The following BIRC6 variants were observed in gnomAD, a reference collection of about 807,000 sequenced individuals.
BIRC6 encodes the protein baculoviral IAP repeat containing 6, also known as dual E2 ubiquitin-conjugating enzyme/E3 ubiquitin-protein ligase BIRC6.
A neutral mutation model predicts 503.3 loss-of-function variants in BIRC6; 98 were observed. That is an observed-to-expected ratio of 0.19 (90% CI 0.17 to 0.23). BIRC6 has a LOEUF of 0.23. Among genes scored for constraint, BIRC6 ranks in the 10% least tolerant of loss-of-function variants. BIRC6 has a pLI of 1.00. For missense variants in BIRC6, 5,360 were observed against 5,806.0 expected, an observed-to-expected ratio of 0.92 and a Z score of 2.50; for synonymous variants, 2,240 against 2,078.7, an observed-to-expected ratio of 1.08 and a Z score of -2.11.
At chr2:32,614,887 A>C (rs1362588416) in intron 73 of BIRC6, among the ~76,000 whole-genome samples, 1 of 152,164 alleles carries the variant, frequency 6.6e-6, no homozygotes, top group Non-Finnish European at 1.5e-5. Flanking sequence ...ATAAAATCAT[A>C]GTATCCCTGT....
At position 32,618,335 on chromosome 2, in the gene BIRC6, T is replaced by C. The variant is rs964805927; in HGVS notation, c.*431T>C. 1 of 153,000 alleles carries C rather than the reference T, an allele frequency of 6.5e-6. No individual in the cohort carries two copies. The highest frequency in any genetic ancestry group is 2.4e-5 in the African/African-American group (1 of 41,462). 9.5% of individuals were successfully genotyped at this position (153,000 alleles called of 1,614,324 possible). On this transcript the variant is annotated 3_prime_UTR_variant, in exon 74 of 74. Transcript: ENST00000421745. ...ACTTTTCACTGAATTTGATAGATTT[T>C]ATGTTTGGCCATATCTTCATGCTCA... is the stretch of plus-strand genomic sequence containing the variant.
intron 1 of BIRC6, among the ~76,000 whole-genome samples, chr2:32,373,677 A>C (rs1280593270): frequency 6.6e-6 from 1 of 152,194 alleles, no homozygotes; most frequent in East Asian, 1.9e-4. Context: ...GAGATGGTGG[A>C]GTTTCCTCAG....
intron 9 of BIRC6, 116 bp downstream of exon 9, chr2:32,406,673 G>C (rs1018349834): frequency 1.5e-6 from 1 of 660,326 alleles, no homozygotes; most frequent in Non-Finnish European, 2.6e-6. Flanking sequence ...ATTTTTGCTA[G>C]TATACACAGA....
At chr2:32,472,858 A>G (rs927782723) in intron 32 of BIRC6, 6 of 287,302 alleles carry the variant, frequency 2.1e-5, no homozygotes, top group African/African-American at 8.9e-5. Context: ...GAAAATAGCT[A>G]TTATCTAAAT....
intron 65 of BIRC6, among the ~76,000 whole-genome samples, chr2:32,556,076 A>G (rs1341462031): frequency 6.6e-6 from 1 of 152,176 alleles, no homozygotes; most frequent in Non-Finnish European, 1.5e-5. Context: ...TTATTTCTAT[A>G]TATGGTCACT....
intron 30 of BIRC6, among the ~76,000 whole-genome samples, chr2:32,469,861 A>G (rs2048936199): frequency 1.3e-5 from 2 of 152,138 alleles, no homozygotes; most frequent in South Asian, 2.1e-4. Context: ...GTTTATAAGT[A>G]TTTCTATTAG....
Position 32,430,947 on chromosome 2 carries a change from T to A in BIRC6, c.3105T>A (p.Thr1035=). Residue 1035 remains threonine (T), a synonymous_variant, in exon 12 of 74, where the codon ACT becomes ACA. Coordinates refer to ENST00000421745, the MANE Select transcript of BIRC6 (RefSeq NM_016252.4). ...LVELTRFETL[T]PRFSATVPPC... is the part of the protein sequence containing the mutation. ...AGCTAACCCGCTTTGAGACTTTGAC[T>A]CCAAGGTTTTCAGCGACTGTTCCTC... is the stretch of plus-strand genomic sequence containing the variant. 6.2e-7 allele frequency: 1 copy of A among 1,613,230 alleles called. No individual in the cohort carries two copies. Among genetic ancestry groups the A allele is most frequent in the Non-Finnish European group, 8.5e-7 (1 of 1,179,762 alleles).
At chr2:32,412,302 G>T (rs2041971451) in intron 9 of BIRC6, among the ~76,000 whole-genome samples, 1 of 151,976 alleles carries the variant, frequency 6.6e-6, no homozygotes, top group African/African-American at 2.4e-5. Flanking sequence ...TTCGACACTA[G>T]CCGGACCAAC....
At chr2:32,530,437 C>T (rs922508632) in intron 60 of BIRC6, among the ~76,000 whole-genome samples, 3 of 152,160 alleles carry the variant, frequency 2.0e-5, no homozygotes, top group African/African-American at 7.2e-5. Context: ...TCTGTAACTC[C>T]TGACCTCAAC....
At chr2:32,446,152 G>A (rs903815837) in intron 21 of BIRC6, among the ~76,000 whole-genome samples, 9 of 152,260 alleles carry the variant, frequency 5.9e-5, no homozygotes, top group Middle Eastern at 3.4e-3. Flanking sequence ...CACCGTGCCC[G>A]GCCAGAAATT....
Position 32,415,016 on chromosome 2 carries a change from T to C in BIRC6, c.1725T>C (p.Tyr575=). The C allele has an allele frequency of 6.2e-7, 1 of 1,613,882 alleles. No individual in the cohort carries two copies. Among genetic ancestry groups the C allele is most frequent in the African/African-American group, 1.3e-5 (1 of 75,054 alleles). ...TATTAGCTGGAGGTTTATTAACATATAAATCTCCTGCTACCTCACCCATTA... is the reference window on the plus strand; with the variant it reads ...TATTAGCTGGAGGTTTATTAACATACAAATCTCCTGCTACCTCACCCATTA... The part of the protein sequence containing the change: ...PCLLAGGLLT[Y]KSPATSPISS... The change falls in exon 10 of 74, where the codon TAT becomes TAC. Residue 575 remains tyrosine (Y), a synonymous_variant. Transcript: ENST00000421745.
chr2:32,450,603 T>A (rs1206268633), intron 22 of BIRC6, among the ~76,000 whole-genome samples: 1 of 152,218 alleles, frequency 6.6e-6, no homozygotes, highest in Non-Finnish European at 1.5e-5. Flanking sequence ...TTCATGATAC[T>A]TATATCTTTC....
chr2:32,513,495 G>A (rs967944602), intron 54 of BIRC6, among the ~76,000 whole-genome samples: 2 of 152,174 alleles, frequency 1.3e-5, no homozygotes, highest in African/African-American at 4.8e-5. Flanking sequence ...CAACTTTGGG[G>A]GTGGGCATGG....
chr2:32,560,854 C>T (rs934780066), intron 65 of BIRC6, among the ~76,000 whole-genome samples: 1 of 152,018 alleles, frequency 6.6e-6, no homozygotes, highest in African/African-American at 2.4e-5. Context: ...CATACATAAG[C>T]CACTGTGCCC....
chr2:32,473,160 A>G lies in BIRC6; in HGVS notation c.6641A>G (p.Asn2214Ser). 1.3e-6 allele frequency: 2 copies of G among 1,579,674 alleles called. No individual in the cohort carries two copies. The highest frequency in any genetic ancestry group is 1.7e-6 in the Non-Finnish European group (2 of 1,159,594). ...AATAATCTACACACTCAGAGCTTAA[A>G]TAGATCTTCTAAAGGCAGCAGTAGC... ...INNNLHTQSL[N>S]RSSKGSSSLD... Residue 2214 changes from asparagine (N) to serine (S), a missense_variant, in exon 33 of 74, where the codon AAT becomes AGT. Coordinates refer to ENST00000421745, the MANE Select transcript of BIRC6 (RefSeq NM_016252.4).
intron 71 of BIRC6, among the ~76,000 whole-genome samples, 197 bp from the exon 72 acceptor site, chr2:32,607,258 T>C (rs1482565237): frequency 2.0e-5 from 3 of 152,166 alleles, no homozygotes; most frequent in Admixed American, 6.5e-5. Context: ...AAGTATTACT[T>C]ATGGCTCTAT....
In BIRC6 at chr2:32,470,195, T is replaced by G. The variant is rs1371457035; in HGVS notation, c.6375T>G (p.Gly2125=). The G allele has an allele frequency of 1.1e-5, 18 of 1,567,390 alleles. No homozygotes were observed. In the Admixed American group the frequency reaches 1.4e-4, roughly 12 times the overall value. Residue 2125 remains glycine (G), a synonymous_variant, in exon 31 of 74, where the codon GGT becomes GGG. Coordinates refer to ENST00000421745, the MANE Select transcript of BIRC6 (RefSeq NM_016252.4). ...DRVFMLLSCI[G]QRSLSNSGVL... The stretch of plus-strand genomic sequence containing the variant: ...TCTTCATGTTACTTTCCTGCATTGG[T>G]CAAAGATCACTTAGTAATAGTGGAG...
intron 70 of BIRC6, 70 bp downstream of exon 70, chr2:32,599,970 A>C (rs564459065): frequency 1.3e-6 from 2 of 1,487,936 alleles, no homozygotes; most frequent in East Asian, 4.8e-5. Flanking sequence ...AATTTGAAGA[A>C]AAATTTTGTT....
intron 69 of BIRC6, 91 bp downstream of exon 69, chr2:32,598,059 A>G: frequency 2.5e-6 from 3 of 1,197,196 alleles, no homozygotes; most frequent in South Asian, 3.0e-5. Flanking sequence ...ATACTATACA[A>G]ATAAATTATA....
Sources: gnomAD v4.1 joint callset for allele counts (sites outside exome capture counted in the v4.1 genomes callset) on GRCh38, gnomAD v4.1.1 for gene constraint, MANE v1.5 for transcripts, NCBI Gene and HGNC (gene_info 2026-07-23, HGNC 2026-07-21) for gene names.